Variants in SCN11A observed in about 807,000 individuals in gnomAD.
SCN11A encodes the protein sodium channel protein type 11 subunit alpha.
A neutral mutation model predicts 162.2 loss-of-function variants in SCN11A; 122 were observed. That is an observed-to-expected ratio of 0.75 (90% CI 0.65 to 0.87). The LOEUF is 0.87. SCN11A is among the 40% of genes least tolerant of loss of function. SCN11A has a pLI of 0.00. For missense variants in SCN11A, 2,015 were observed against 2,181.6 expected (o/e 0.92, Z 1.52); for synonymous variants, 758 against 751.5 (o/e 1.01, Z -0.14).
At chr3:38,949,592 A>G (rs961521237) in intron 5 of SCN11A, among the ~76,000 whole-genome samples, 1 of 152,200 alleles carries the variant, frequency 6.6e-6, no homozygotes, top group African/African-American at 2.4e-5. Flanking sequence ...TGTTGCTATA[A>G]TGAGCATTTC....
intron 1 of SCN11A, among the ~76,000 whole-genome samples, chr3:39,042,327 T>C (rs1300355637): frequency 1.3e-5 from 2 of 152,074 alleles, no homozygotes; most frequent in Non-Finnish European, 2.9e-5. Context: ...ACTTCACTTG[T>C]AAAGACACAC....
chr3:38,859,898 C>T (rs553403638), intron 28 of SCN11A, among the ~76,000 whole-genome samples: 17 of 152,298 alleles, frequency 1.1e-4, no homozygotes, highest in African/African-American at 3.6e-4. Context: ...AGGGGTCATG[C>T]AGCCCCTGGG....
chr3:39,032,137 G>A (rs944024755), intron 2 of SCN11A, among the ~76,000 whole-genome samples: 7 of 152,054 alleles, frequency 4.6e-5, no homozygotes, highest in Non-Finnish European at 8.8e-5. Flanking sequence ...TCTGTGTCAG[G>A]AGCAGGGCAA....
At chr3:39,051,663 CCAGCGCCATGTCTAG>C (rs1477835890) in intron 1 of SCN11A, among the ~76,000 whole-genome samples, 183 bp downstream of exon 1, 5 of 152,094 alleles carry the variant, frequency 3.3e-5, no homozygotes, top group Non-Finnish European at 7.4e-5. Context: ...AGGAGATGGT[CCAGCGCCATGTCTAG>C]CACTGTTAAT....
At chr3:38,888,466 A>T (rs2065438726) in intron 19 of SCN11A, among the ~76,000 whole-genome samples, 5 of 152,354 alleles carry the variant, frequency 3.3e-5, no homozygotes, top group Admixed American at 3.3e-4. Context: ...ACAAACATAA[A>T]ATCAGTAGAC....
At chr3:38,946,664 T>C in intron 6 of SCN11A, 125 bp downstream of exon 6, 1 of 698,642 alleles carries the variant, frequency 1.4e-6, no homozygotes, top group Admixed American at 2.4e-5. Context: ...CCTGCAGCAG[T>C]AGGCACTCAG....
intron 26 of SCN11A, 85 bp downstream of exon 26, chr3:38,870,606 T>G: frequency 8.9e-7 from 1 of 1,128,122 alleles, no homozygotes; most frequent in Admixed American, 2.0e-5. Flanking sequence ...GCTGGAACTA[T>G]GACGCCAGTT....
In SCN11A at chr3:38,973,073, TAATA is replaced by T. The variant is rs1380268671; in HGVS notation, c.-279-12654_-279-12651del. Among the ~76,000 whole-genome samples, 4 of 152,324 alleles carry T rather than the reference TAATA, an allele frequency of 2.6e-5. No homozygotes were observed. The East Asian group carries it at 7.7e-4, about 29-fold the overall frequency. On this transcript the variant is annotated intron_variant, in intron 2 of 29. Transcript: ENST00000302328. The stretch of plus-strand genomic sequence containing the variant: ...AAGTCCACTTGTCTACAAGATAGTT[TAATA>T]ATTACTATCAAAAGGCATTTTTATA...
At chr3:38,895,923 T>C (rs184414190) in intron 18 of SCN11A, among the ~76,000 whole-genome samples, 3 of 152,326 alleles carry the variant, frequency 2.0e-5, no homozygotes, top group Admixed American at 2.0e-4. Context: ...AAAGCTATCG[T>C]GTGTAGAGAG....
chr3:38,950,069 ACCCCCCCC>A lies in SCN11A; in HGVS notation c.267+19_267+26del, dbSNP rs375995524. ...GCATGGTTAGAACACCCCCACCCCCACCCCCCCCCCCCGCCCAATGAAGTACCTTATGA... is the reference window on the plus strand; with the variant it reads ...GCATGGTTAGAACACCCCCACCCCCACCCCGCCCAATGAAGTACCTTATGA... On this transcript the variant is annotated intron_variant, in intron 5 of 29. Transcript: ENST00000302328. 1.5e-5 allele frequency: 1 copy of A among 65,614 alleles called. No individual in the cohort carries two copies. Among genetic ancestry groups the A allele is most frequent in the African/African-American group, 6.7e-5 (1 of 14,846 alleles). The allele number at this position is 65,614 out of a possible 1,614,324, so 4.1% of individuals were successfully genotyped here.
chr3:38,997,259 C>T (rs956715071), intron 2 of SCN11A, among the ~76,000 whole-genome samples: 1 of 152,196 alleles, frequency 6.6e-6, no homozygotes, highest in African/African-American at 2.4e-5. Context: ...ACACTTACTC[C>T]ACTTCAACCA....
At chr3:38,911,052 C>G (rs1230648848) in intron 11 of SCN11A, among the ~76,000 whole-genome samples, 1 of 152,130 alleles carries the variant, frequency 6.6e-6, no homozygotes, top group Non-Finnish European at 1.5e-5. Flanking sequence ...CAACTGTTAA[C>G]TCTTCTACCT....
chr3:38,926,863 T>A lies in SCN11A; in HGVS notation c.557A>T (p.Asp186Val), dbSNP rs768885379. 4 of 1,613,282 alleles carry A rather than the reference T, an allele frequency of 2.5e-6. No homozygotes were observed. In the Admixed American group the frequency reaches 6.7e-5, roughly 27 times the overall value. Residue 186 changes from aspartate (D) to valine (V), a missense_variant, in exon 8 of 30, where the codon GAT becomes GTT. Physicochemically the swap from Asp to Val is radical, Grantham distance 152. Coordinates refer to ENST00000302328, the MANE Select transcript of SCN11A (RefSeq NM_001349253.2). ...TGGATCTCGAAGGAAAGAAAACTCA[T>A]CCAGAATGAAACCTCTTGCCAATAT... The part of the protein sequence containing the change: ...IKILARGFIL[D>V]EFSFLRDPWN...
At chr3:38,948,188 T>C (rs1388017404) in intron 5 of SCN11A, among the ~76,000 whole-genome samples, 1 of 152,224 alleles carries the variant, frequency 6.6e-6, no homozygotes, top group Non-Finnish European at 1.5e-5. Flanking sequence ...CTTTGGAAAT[T>C]CTGCGCCTTT....
chr3:38,958,566 A>T (rs1198035271), intron 3 of SCN11A, among the ~76,000 whole-genome samples: 1 of 152,348 alleles, frequency 6.6e-6, no homozygotes, highest in Admixed American at 6.5e-5. Context: ...CACTAAATAC[A>T]ATTTAGAAAT....
intron 2 of SCN11A, among the ~76,000 whole-genome samples, chr3:39,016,534 G>T (rs545870964): frequency 5.9e-5 from 9 of 152,158 alleles, no homozygotes; most frequent in Non-Finnish European, 8.8e-5. Context: ...AGTGATAAAT[G>T]CTTTCAGCCT....
At position 38,871,573 on chromosome 3, in the gene SCN11A, T is replaced by C. The variant is rs1186618940; in HGVS notation, c.3631A>G (p.Thr1211Ala). Residue 1211 changes from threonine (T) to alanine (A), a missense_variant, in exon 25 of 30, where the codon ACA (threonine) becomes GCA (alanine). Coordinates refer to ENST00000302328, the MANE Select transcript of SCN11A (RefSeq NM_001349253.2). Reference sequence around the variant, plus strand: ...ATGGTATAATTTATAACTGAGTCTGTTCCATTAATGCATTTCCCAAATTTT... The same window carrying C: ...ATGGTATAATTTATAACTGAGTCTGCTCCATTAATGCATTTCCCAAATTTT... ...SGKFGKCING[T>A]DSVINYTIIT... 3.1e-6 allele frequency: 5 copies of C among 1,613,302 alleles called. No homozygotes were observed. Among genetic ancestry groups the C allele is most frequent in the Non-Finnish European group, 4.2e-6 (5 of 1,179,482 alleles).
rs373846850 is a variant in SCN11A, at chr3:38,897,239, C to A, written c.2023-14G>T. Reference sequence around the variant, plus strand: ...GAAGACCCTGAGCTGTAGAAAAAGACAACAAACAAAAATGGAAGAAAAGCC... The same window carrying A: ...GAAGACCCTGAGCTGTAGAAAAAGAAAACAAACAAAAATGGAAGAAAAGCC... On this transcript the variant is annotated splice_polypyrimidine_tract_variant and intron_variant, in intron 17 of 29. Transcript: ENST00000302328. 54 of 1,568,234 alleles carry A rather than the reference C, an allele frequency of 3.4e-5. No homozygotes were observed. The African/African-American group carries it at 6.6e-4, about 19-fold the overall frequency.
chr3:38,988,340 G>A (rs944396454), intron 2 of SCN11A, among the ~76,000 whole-genome samples: 1 of 151,874 alleles, frequency 6.6e-6, no homozygotes, highest in Non-Finnish European at 1.5e-5. Flanking sequence ...CTCATTCTCT[G>A]AGCCTAGGCA....
Sources: gnomAD v4.1 joint callset for allele counts (sites outside exome capture counted in the v4.1 genomes callset) on GRCh38, gnomAD v4.1.1 for gene constraint, MANE v1.5 for transcripts, NCBI Gene and HGNC (gene_info 2026-07-23, HGNC 2026-07-21) for gene names.